Variants in KIAA1328 observed in about 807,000 individuals in gnomAD.
KIAA1328 encodes the protein protein hinderin.
Under a neutral mutation model 68.1 loss-of-function variants are expected in KIAA1328, and 52 were observed. The ratio of observed to expected loss-of-function variants is 0.76; its 90% CI spans 0.61 to 0.96. The LOEUF is 0.96. Ranked by LOEUF, KIAA1328 falls within the 40% of genes least tolerant of loss-of-function variation. The pLI is 0.00. For missense variants in KIAA1328, 641 were observed against 677.6 expected (o/e 0.95, Z 0.60); for synonymous variants, 232 against 239.4 (o/e 0.97, Z 0.28).
At chr18:37,198,932 G>A (rs996738723) in intron 9 of KIAA1328, among the ~76,000 whole-genome samples, 6 of 152,104 alleles carry the variant, frequency 3.9e-5, no homozygotes, top group Non-Finnish European at 8.8e-5. Context: ...TGTCTATATT[G>A]GACCTGATTT....
chr18:37,063,694 C>A (rs1170169073), intron 6 of KIAA1328: 3 of 984,460 alleles, frequency 3.0e-6, no homozygotes, highest in East Asian at 1.1e-4. Flanking sequence ...AGCTGTACTA[C>A]CTCTCAAAAA....
chr18:36,955,275 G>A (rs894361603), intron 5 of KIAA1328, among the ~76,000 whole-genome samples: 4 of 150,682 alleles, frequency 2.7e-5, no homozygotes, highest in South Asian at 2.1e-4. Flanking sequence ...GGGATTACAG[G>A]CACCACCACA....
In KIAA1328 at chr18:37,099,369, A is replaced by G. The variant is rs565239398; in HGVS notation, c.1232+31824A>G. Among the ~76,000 whole-genome samples, 3 of 152,206 alleles carry G rather than the reference A, an allele frequency of 2.0e-5. No homozygotes were observed. The East Asian group carries it at 5.8e-4, about 29-fold the overall frequency. The stretch of plus-strand genomic sequence containing the variant: ...TTCAGGAGCAGGTTGTTCAGTTTCC[A>G]TGTAGTTGAGCGGTTTTGAATGAGT... On this transcript the variant is annotated intron_variant, in intron 7 of 9. Transcript: ENST00000280020.
chr18:37,057,270 T>G (rs1402642453), intron 6 of KIAA1328, among the ~76,000 whole-genome samples: 1 of 152,254 alleles, frequency 6.6e-6, no homozygotes, highest in East Asian at 1.9e-4. Flanking sequence ...GTTGGCAAAC[T>G]ACAGCAGGTC....
At chr18:37,060,976 A>G (rs561877013) in intron 6 of KIAA1328, among the ~76,000 whole-genome samples, 2 of 152,240 alleles carry the variant, frequency 1.3e-5, no homozygotes, top group South Asian at 4.1e-4. Context: ...TTAGCCGGCC[A>G]TGGTGGTGTG....
At chr18:37,148,845 T>A (rs1230508383) in intron 7 of KIAA1328, among the ~76,000 whole-genome samples, 2 of 152,222 alleles carry the variant, frequency 1.3e-5, no homozygotes, top group Admixed American at 1.3e-4. Context: ...TTTGTTTAAG[T>A]TCCTTGTAAA....
chr18:37,044,240 TTTCATC>T (rs2055372413), intron 6 of KIAA1328, among the ~76,000 whole-genome samples: 1 of 152,264 alleles, frequency 6.6e-6, no homozygotes, highest in Non-Finnish European at 1.5e-5. Flanking sequence ...AAGTGTTCCT[TTTCATC>T]TTCATTAAGA....
intron 6 of KIAA1328, among the ~76,000 whole-genome samples, chr18:37,032,653 G>GT (rs1433546249): frequency 6.6e-6 from 1 of 151,312 alleles, no homozygotes; most frequent in Non-Finnish European, 1.5e-5. Context: ...TTGTTTGTTT[G>GT]TTTTTGAGAT....
At chr18:36,971,228 A>G (rs1409349911) in intron 6 of KIAA1328, among the ~76,000 whole-genome samples, 2 of 152,230 alleles carry the variant, frequency 1.3e-5, no homozygotes, top group African/African-American at 4.8e-5. Flanking sequence ...TGGTGTTTGG[A>G]AAACTATGTA....
Position 37,083,808 on chromosome 18 carries a change from A to G in KIAA1328, c.1232+16263A>G, listed in dbSNP as rs115432246. ...GGTGATCGCAGTACACTTGCTTACA[A>G]TGAATAGAGGGAAGAATTAACTTTC... On this transcript the variant is annotated intron_variant, in intron 7 of 9. Coordinates refer to ENST00000280020, the MANE Select transcript of KIAA1328 (RefSeq NM_020776.3). 1.0e-3 allele frequency among the ~76,000 whole-genome samples: 158 copies of G among 152,322 alleles called. 2 individuals are homozygous for G. The highest frequency in any genetic ancestry group is 3.7e-3 in the African/African-American group (155 of 41,580).
intron 7 of KIAA1328, among the ~76,000 whole-genome samples, chr18:37,071,384 T>A (rs1201179441): frequency 6.6e-6 from 1 of 152,180 alleles, no homozygotes; most frequent in African/African-American, 2.4e-5. Flanking sequence ...AGACACTTAC[T>A]TTTAATGTAA....
At chr18:37,206,602 C>A (rs574313285) in intron 9 of KIAA1328, among the ~76,000 whole-genome samples, 24 of 152,280 alleles carry the variant, frequency 1.6e-4, no homozygotes, top group African/African-American at 5.3e-4. Flanking sequence ...AGGCACCTAT[C>A]TTTTCTTAAA....
chr18:37,105,289 G>A (rs1429543943), intron 7 of KIAA1328, among the ~76,000 whole-genome samples: 2 of 152,014 alleles, frequency 1.3e-5, no homozygotes, highest in East Asian at 1.9e-4. Context: ...GATTGCTTGA[G>A]TCCAGGAATT....
intron 6 of KIAA1328, among the ~76,000 whole-genome samples, chr18:37,010,051 A>G (rs2053918721): frequency 6.6e-6 from 1 of 152,212 alleles, no homozygotes; most frequent in South Asian, 2.1e-4. Flanking sequence ...AGCAAAGCGT[A>G]TCATGGAAAA....
intron 6 of KIAA1328, among the ~76,000 whole-genome samples, chr18:36,968,682 A>G (rs1956312247): frequency 6.6e-6 from 1 of 152,192 alleles, no homozygotes; most frequent in Non-Finnish European, 1.5e-5. Context: ...CCACACAATA[A>G]TAGTGAGATA....
intron 1 of KIAA1328, among the ~76,000 whole-genome samples, chr18:36,830,256 C>A (rs951189858): frequency 2.0e-5 from 3 of 152,184 alleles, no homozygotes; most frequent in Non-Finnish European, 4.4e-5. Context: ...TTCTGTGCTG[C>A]TCGTGTTTAG....
At chr18:37,100,283 G>T (rs1289403261) in intron 7 of KIAA1328, among the ~76,000 whole-genome samples, 2 of 152,198 alleles carry the variant, frequency 1.3e-5, no homozygotes, top group African/African-American at 4.8e-5. Context: ...AAAGAAAGGG[G>T]TGACAGATGG....
chr18:37,229,514 A>G, downstream of KIAA1328: 1 of 1,240,346 alleles, frequency 8.1e-7, no homozygotes, highest in Non-Finnish European at 1.0e-6. Context: ...TCAGACTCAG[A>G]AACTGGGGTG....
At chr18:37,163,951 G>A (rs2059334855) in intron 8 of KIAA1328, among the ~76,000 whole-genome samples, 1 of 152,062 alleles carries the variant, frequency 6.6e-6, no homozygotes, top group Non-Finnish European at 1.5e-5. Flanking sequence ...CAGATATGTA[G>A]AATAAATTCT....
Sources: allele counts gnomAD v4.1 joint callset (sites outside exome capture counted in the v4.1 genomes callset), GRCh38; gene constraint gnomAD v4.1.1; transcripts MANE v1.5; gene names NCBI Gene and HGNC (gene_info 2026-07-23, HGNC 2026-07-21).